Variants in ADGRD1 observed in about 807,000 individuals in gnomAD.
ADGRD1 encodes the protein adhesion G protein-coupled receptor D1.
A neutral mutation model predicts 113.4 loss-of-function variants in ADGRD1; 77 were observed. That is an observed-to-expected ratio of 0.68 (90% confidence interval 0.57 to 0.82). ADGRD1 has a LOEUF of 0.82. Ranked by LOEUF, ADGRD1 falls within the 40% of genes least tolerant of loss-of-function variation. ADGRD1 has a pLI of 0.00. For missense variants in ADGRD1, 1,036 were observed against 1,139.1 expected (o/e 0.91, Z 1.30); for synonymous variants, 474 against 475.0 (o/e 1.00, Z 0.03).
chr12:130,954,504 G>C lies in ADGRD1; in HGVS notation c.39G>C (p.Trp13Cys). Residue 13 changes from tryptophan (W) to cysteine (C), a missense_variant, in exon 1 of 25, where the codon TGG becomes TGC. Trp to Cys is a radical substitution (Grantham distance 215). Coordinates refer to ENST00000261654, the MANE Select transcript of ADGRD1 (RefSeq NM_198827.5). This position sits in a 1 kb window ranked among gnomAD's most constrained non-coding sequence, Gnocchi z 4.7. Reference sequence around the variant, plus strand: ...TGCGGCTGTGCTGCTGGTACTCCTGGCTGCTGCTATTTTATTACAACTTTC... The same window carrying C: ...TGCGGCTGTGCTGCTGGTACTCCTGCCTGCTGCTATTTTATTACAACTTTC... ...KLLRLCCWYS[W>C]LLLFYYNFQV... 1 of 1,595,350 alleles carries C rather than the reference G, an allele frequency of 6.3e-7. No individual in the cohort carries two copies. The highest frequency in any genetic ancestry group is 8.6e-7 in the Non-Finnish European group (1 of 1,169,154).
intron 17 of ADGRD1, among the ~76,000 whole-genome samples, chr12:131,107,345 A>G (rs11061328): frequency 0.19 from 7,095 of 36,856 alleles, 2 homozygotes; most frequent in Middle Eastern, 0.27. Flanking sequence ...ACCTGTGGCT[A>G]AATCCCAGGG....
intron 4 of ADGRD1, among the ~76,000 whole-genome samples, chr12:130,979,814 G>GACACACAC (rs1565996705): frequency 8.3e-5 from 3 of 36,030 alleles, no homozygotes; most frequent in Non-Finnish European, 3.3e-4. Flanking sequence ...GGCAGCTAGT[G>GACACACAC]TCTCACACAC....
At chr12:131,019,822 GGAGATATT>G (rs1879083126) in intron 13 of ADGRD1, among the ~76,000 whole-genome samples, 1 of 134,624 alleles carries the variant, frequency 7.4e-6, no homozygotes, top group South Asian at 2.4e-4. Flanking sequence ...GGTGCTCCAG[GGAGATATT>G]CCAGGGGCAG....
At chr12:131,122,881 C>G (rs893028448) in intron 20 of ADGRD1, among the ~76,000 whole-genome samples, 1 of 152,130 alleles carries the variant, frequency 6.6e-6, no homozygotes, top group African/African-American at 2.4e-5. Flanking sequence ...CCCAGCACCC[C>G]TGTGTCTCCC....
chr12:130,997,412 C>T (rs868520109), intron 8 of ADGRD1, among the ~76,000 whole-genome samples: 5 of 77,034 alleles, frequency 6.5e-5, no homozygotes, highest in South Asian at 3.5e-4. Flanking sequence ...TCAGACGGGG[C>T]GGCTGCCGGG....
chr12:130,997,448 G>C (rs375981596), intron 8 of ADGRD1, among the ~76,000 whole-genome samples: 1 of 147,238 alleles, frequency 6.8e-6, no homozygotes, highest in South Asian at 2.2e-4. Context: ...CTTCTCAGAC[G>C]GGGCGGTTGC....
chr12:131,004,350 GAA>G (rs1876816784), intron 11 of ADGRD1, 54 bp downstream of exon 11: 1 of 1,307,004 alleles, frequency 7.7e-7, no homozygotes, highest in South Asian at 1.2e-5. Flanking sequence ...AAGTCTTTCT[GAA>G]GAGTCCCCAA....
At chr12:131,127,289 T>C (rs1009769062) in intron 20 of ADGRD1, among the ~76,000 whole-genome samples, 2 of 152,234 alleles carry the variant, frequency 1.3e-5, no homozygotes, top group African/African-American at 4.8e-5. Context: ...CTCGTAGTGT[T>C]TCATGTTGGC....
intron 4 of ADGRD1, among the ~76,000 whole-genome samples, chr12:130,975,408 C>T (rs540166663): frequency 2.6e-5 from 4 of 152,326 alleles, no homozygotes; most frequent in South Asian, 4.1e-4. Context: ...ACCATAGATA[C>T]TGCACACTGA....
In ADGRD1 at chr12:131,077,923, A is replaced by G. The variant is rs547975640; in HGVS notation, c.1547+1049A>G. ...TGTGCCTGGCTATGGCTAGATTATT[A>G]TATGAACTGTCCCAATGTTTAAAAC... On this transcript the variant is annotated intron_variant, in intron 14 of 24. Transcript: ENST00000261654. Among the ~76,000 whole-genome samples the G allele has an allele frequency of 1.6e-3, 247 of 152,248 alleles. 2 individuals carry two copies. The highest frequency in any genetic ancestry group is 0.01 in the South Asian group (49 of 4,812).
intron 5 of ADGRD1, chr12:130,986,865 C>T (rs921155969): frequency 1.9e-6 from 1 of 536,530 alleles, no homozygotes; most frequent in African/African-American, 1.9e-5. Flanking sequence ...AAGGAGTCTC[C>T]TTGAACTGCT....
chr12:131,138,125 C>CCCGCTTTCAAGGTGAGAG lies in ADGRD1; in HGVS notation c.2437-7_2447dup. ...CTGAAATTGCTCTCACGATCCCTTC[C>CCCGCTTTCAAGGTGAGAG]CCGCTTTCAAGGTGAGAGCCGCCTT... On this transcript the variant is annotated splice_polypyrimidine_tract_variant and intron_variant, in intron 23 of 24. Coordinates refer to ENST00000261654, the MANE Select transcript of ADGRD1 (RefSeq NM_198827.5). 6.2e-7 allele frequency: 1 copy of CCCGCTTTCAAGGTGAGAG among 1,612,138 alleles called. No individual in the cohort carries two copies. The highest frequency in any genetic ancestry group is 8.5e-7 in the Non-Finnish European group (1 of 1,178,822).
chr12:131,139,255 G>T lies in ADGRD1; in HGVS notation c.2617G>T (p.Ala873Ser). The change falls in exon 25 of 25, where the codon GCC becomes TCC. Residue 873 changes from alanine to serine, a missense_variant. Transcript: ENST00000261654. ...CTCTGCCCACCGCGTCGACCTGTCA[G>T]CCGTGTGAGCCGGGAGGCTGCCAAC... Reference protein sequence around the residue: ...SHSAHRVDLSAV With the variant: ...SHSAHRVDLSSV The T allele has an allele frequency of 6.2e-7, 1 of 1,611,384 alleles. No homozygotes were observed. The highest frequency in any genetic ancestry group is 1.1e-5 in the South Asian group (1 of 90,650).
chr12:130,963,487 T>C (rs1870652935), intron 2 of ADGRD1, among the ~76,000 whole-genome samples: 1 of 152,194 alleles, frequency 6.6e-6, no homozygotes, highest in Non-Finnish European at 1.5e-5. Flanking sequence ...TCTCTCTCTC[T>C]TCTTCTCTCT....
chr12:131,042,889 G>A (rs1259435383), intron 13 of ADGRD1, among the ~76,000 whole-genome samples: 1 of 152,258 alleles, frequency 6.6e-6, no homozygotes, highest in Non-Finnish European at 1.5e-5. Context: ...CTGCACTAGG[G>A]CCTGCGGGCA....
At chr12:130,990,953 C>G in intron 6 of ADGRD1, 61 bp from the exon 7 acceptor site, 1 of 1,328,698 alleles carries the variant, frequency 7.5e-7, no homozygotes, top group Non-Finnish European at 1.1e-6. Flanking sequence ...AAGGACAGGT[C>G]TTCCTCGTGG....
chr12:131,018,392 C>A (rs921008309), intron 13 of ADGRD1, among the ~76,000 whole-genome samples: 2 of 152,112 alleles, frequency 1.3e-5, no homozygotes, highest in Non-Finnish European at 2.9e-5. Context: ...TGGAGGACGC[C>A]CCCTGTGGTG....
At chr12:130,995,223 C>T (rs1004800469) in intron 8 of ADGRD1, among the ~76,000 whole-genome samples, 4 of 152,032 alleles carry the variant, frequency 2.6e-5, no homozygotes, top group African/African-American at 7.3e-5. Context: ...CAGACAGGCA[C>T]GCACCCCAGA....
Position 131,131,780 on chromosome 12 carries a change from A to G in ADGRD1, c.2231A>G (p.Asp744Gly). 6.2e-7 allele frequency: 1 copy of G among 1,613,294 alleles called. No individual in the cohort carries two copies. Among genetic ancestry groups the G allele is most frequent in the Non-Finnish European group, 8.5e-7 (1 of 1,179,508 alleles). Reference protein sequence around the residue: ...VTRVISQISADNYKIHGDPSA... With the variant: ...VTRVISQISAGNYKIHGDPSA... ...AGAGTCATCTCACAGATCAGCGCCG[A>G]CAACTACAAGATCCATGGAGACCCC... Residue 744 changes from aspartate to glycine, a missense_variant, in exon 21 of 25, where the codon GAC (aspartate) becomes GGC (glycine). Coordinates refer to ENST00000261654, the MANE Select transcript of ADGRD1 (RefSeq NM_198827.5).
Sources: allele counts gnomAD v4.1 joint callset (sites outside exome capture counted in the v4.1 genomes callset), GRCh38; gene constraint gnomAD v4.1.1; non-coding constraint Gnocchi (gnomAD v3.1); transcripts MANE v1.5; gene names NCBI Gene and HGNC (gene_info 2026-07-23, HGNC 2026-07-21).